The following RSPO2 variants were observed in gnomAD, a reference collection of about 807,000 sequenced individuals.
RSPO2 encodes R-spondin 2.
Under a neutral mutation model 30.9 loss-of-function variants are expected in RSPO2, and 14 were observed. That is an observed-to-expected ratio of 0.45 (90% CI 0.30 to 0.71). The LOEUF (loss-of-function observed/expected upper bound fraction) is 0.71. Ranked by LOEUF, RSPO2 falls within the 30% of genes least tolerant of loss-of-function variation. The pLI is 0.08. For missense variants in RSPO2, 264 were observed against 301.9 expected, an observed-to-expected ratio of 0.87 and a Z score of 0.93; for synonymous variants, 107 against 96.4, an observed-to-expected ratio of 1.11 and a Z score of -0.64.
intron 5 of RSPO2, among the ~76,000 whole-genome samples, chr8:107,936,536 A>G (rs2130361559): frequency 6.6e-6 from 1 of 152,294 alleles, no homozygotes; most frequent in East Asian, 1.9e-4. Flanking sequence ...AGAACTCTCC[A>G]TACCGTTTTC....
At chr8:107,931,335 G>A (rs1043264924) in intron 5 of RSPO2, among the ~76,000 whole-genome samples, 6 of 152,036 alleles carry the variant, frequency 3.9e-5, no homozygotes, top group South Asian at 4.1e-4. Context: ...TTGGCTCCAC[G>A]ATAGCCAAAG....
At chr8:108,019,290 G>C (rs1810986830) in intron 2 of RSPO2, among the ~76,000 whole-genome samples, 1 of 152,090 alleles carries the variant, frequency 6.6e-6, no homozygotes. Flanking sequence ...GGAGATGGAG[G>C]TTGCAGCGAG....
At chr8:107,987,186 G>A (rs1814673978) in intron 3 of RSPO2, among the ~76,000 whole-genome samples, 1 of 151,948 alleles carries the variant, frequency 6.6e-6, no homozygotes, top group African/African-American at 2.4e-5. Context: ...AGGCCCCACT[G>A]GTTCTATTTT....
chr8:108,054,850 A>T (rs2440387), intron 2 of RSPO2, among the ~76,000 whole-genome samples: 1 of 151,980 alleles, frequency 6.6e-6, no homozygotes, highest in African/African-American at 2.4e-5. Flanking sequence ...AGGGTGGCTC[A>T]TGCCTCTAAT....
chr8:107,962,046 T>C (rs1813644401), intron 3 of RSPO2, among the ~76,000 whole-genome samples: 2 of 152,216 alleles, frequency 1.3e-5, no homozygotes, highest in Admixed American at 1.3e-4. Context: ...TGGTACATTA[T>C]TACTTGTAAC....
At chr8:108,037,997 A>C (rs1233288864) in intron 2 of RSPO2, among the ~76,000 whole-genome samples, 1 of 152,106 alleles carries the variant, frequency 6.6e-6, no homozygotes, top group African/African-American at 2.4e-5. Context: ...GAGTAATTTC[A>C]ACTTTCAAGT....
intron 2 of RSPO2, among the ~76,000 whole-genome samples, chr8:108,050,764 T>C (rs893443496): frequency 6.6e-6 from 1 of 152,064 alleles, no homozygotes; most frequent in African/African-American, 2.4e-5. Context: ...ACCCTCCACG[T>C]TGGTAGTGGG....
At chr8:107,906,029 A>G (rs1042415415) in intron 5 of RSPO2, among the ~76,000 whole-genome samples, 1 of 152,058 alleles carries the variant, frequency 6.6e-6, no homozygotes, top group African/African-American at 2.4e-5. Flanking sequence ...CCTTAAAAGT[A>G]AAAATATCTA....
At chr8:108,081,544 G>C (rs550175299) in intron 2 of RSPO2, among the ~76,000 whole-genome samples, 24 of 152,354 alleles carry the variant, frequency 1.6e-4, no homozygotes, top group African/African-American at 5.3e-4. Flanking sequence ...AATTCGATGT[G>C]CGTGTGGTGA....
intron 2 of RSPO2, among the ~76,000 whole-genome samples, chr8:107,999,896 C>T (rs1052303880): frequency 6.6e-6 from 1 of 152,098 alleles, no homozygotes; most frequent in Non-Finnish European, 1.5e-5. Flanking sequence ...AGTTGTAATC[C>T]TCATACATTG....
intron 5 of RSPO2, among the ~76,000 whole-genome samples, chr8:107,910,005 C>G (rs1811771826): frequency 6.6e-6 from 1 of 152,144 alleles, no homozygotes; most frequent in South Asian, 2.1e-4. Flanking sequence ...AGATAAATAT[C>G]AAGCTCATTT....
At chr8:108,052,594 T>C (rs1812108665) in intron 2 of RSPO2, among the ~76,000 whole-genome samples, 1 of 152,164 alleles carries the variant, frequency 6.6e-6, no homozygotes, top group African/African-American at 2.4e-5. Context: ...CAAGAAAATG[T>C]CCACAGAGTA....
chr8:108,073,627 T>G (rs1458723678), intron 2 of RSPO2, among the ~76,000 whole-genome samples: 6 of 152,230 alleles, frequency 3.9e-5, no homozygotes, highest in Admixed American at 6.5e-5. Flanking sequence ...TTAACTGTTT[T>G]CTTAATGAGA....
intron 2 of RSPO2, among the ~76,000 whole-genome samples, chr8:108,002,870 C>T (rs1220472249): frequency 6.6e-6 from 1 of 151,850 alleles, no homozygotes; most frequent in Non-Finnish European, 1.5e-5. Flanking sequence ...TTTTAATTGC[C>T]TTAATAAAAA....
In RSPO2 at chr8:107,996,588, A is replaced by G. The variant is rs142789693; in HGVS notation, c.95-7344T>C. 4.2e-4 allele frequency among the ~76,000 whole-genome samples: 64 copies of G among 152,332 alleles called. 1 individual carries two copies. The East Asian group carries it at 0.012, about 28-fold the overall frequency. ...GCAGAATGGTTTAAGGAGGAGGTTC[A>G]CTGTCCTACAGTCATCACATGCTAA... On this transcript the variant is annotated intron_variant, in intron 2 of 5. Transcript: ENST00000276659.
chr8:107,915,947 C>T (rs1356214599), intron 5 of RSPO2, among the ~76,000 whole-genome samples: 1 of 152,092 alleles, frequency 6.6e-6, no homozygotes, highest in Non-Finnish European at 1.5e-5. Flanking sequence ...TTATTAGGCC[C>T]TAGAAACTGC....
intron 2 of RSPO2, among the ~76,000 whole-genome samples, chr8:108,000,797 T>G (rs369271562): frequency 6.6e-6 from 1 of 151,938 alleles, no homozygotes; most frequent in Admixed American, 6.5e-5. Flanking sequence ...GTTAGGAGAT[T>G]GAGATGATCC....
At chr8:107,956,992 CA>C (rs1813453895) in intron 5 of RSPO2, among the ~76,000 whole-genome samples, 1 of 152,138 alleles carries the variant, frequency 6.6e-6, no homozygotes, top group Admixed American at 6.5e-5. Flanking sequence ...AAAACTAATT[CA>C]AGAGGAAAAG....
At position 108,077,766 on chromosome 8, in the gene RSPO2, C is replaced by T. The variant is rs118114698; in HGVS notation, c.94+4779G>A. On this transcript the variant is annotated intron_variant, in intron 2 of 5. Transcript: ENST00000276659. The stretch of plus-strand genomic sequence containing the variant: ...ATATGAAAATGTATAAATATAGATA[C>T]GCAACACTGTCTTCACCTGATCAGC... Among the ~76,000 whole-genome samples, 24 of 152,090 alleles carry T rather than the reference C, an allele frequency of 1.6e-4. No homozygotes were observed. In the East Asian group the frequency reaches 2.7e-3, roughly 17 times the overall value.
Sources: allele counts gnomAD v4.1 joint callset (sites outside exome capture counted in the v4.1 genomes callset), GRCh38; gene constraint gnomAD v4.1.1; transcripts MANE v1.5; gene names NCBI Gene and HGNC (gene_info 2026-07-23, HGNC 2026-07-21).